NME7: variants seen among roughly 807,000 people sequenced by gnomAD.
NME7 encodes the protein NME/NM23 family member 7, also known as nucleoside diphosphate kinase 7.
In NME7, 41 loss-of-function variants were observed where a neutral mutation model predicts 49.1. That is an observed-to-expected ratio of 0.83 (90% CI 0.65 to 1.08). The LOEUF (loss-of-function observed/expected upper bound fraction) is 1.08, where lower values mean the gene tolerates loss of function less well. NME7 is among the 50% of genes least tolerant of loss of function. The pLI is 0.00. For missense variants in NME7, 423 were observed against 463.4 expected (o/e 0.91, Z 0.80); for synonymous variants, 139 against 150.6 (o/e 0.92, Z 0.56).
chr1:169,218,018 G>A (rs373310106), intron 10 of NME7, among the ~76,000 whole-genome samples: 43 of 152,098 alleles, frequency 2.8e-4, no homozygotes, highest in African/African-American at 9.9e-4. Flanking sequence ...GGGATATAGA[G>A]GATTTATGCC....
rs775741655 is a variant in NME7 at position 169,237,657 on chromosome 1, C to T, written c.785G>A (p.Arg262Gln). Residue 262 changes from arginine (R) to glutamine (Q), a missense_variant, in exon 8 of 12, where the codon CGA becomes CAA. Transcript: ENST00000367811. Reference protein sequence around the residue: ...GLLGKILMAIRDAGFEISAMQ... With the variant: ...GLLGKILMAIQDAGFEISAMQ... The stretch of plus-strand genomic sequence containing the variant: ...AGCTGAGATTTCAAAACCTGCATCT[C>T]GGATAGCCATCAGGATCTTTCCCAA... The T allele has an allele frequency of 3.0e-5, 49 of 1,610,462 alleles. No homozygotes were observed. Among genetic ancestry groups the T allele is most frequent in the African/African-American group, 5.4e-5 (4 of 74,642 alleles).
chr1:169,367,777 T>C lies in NME7; in HGVS notation c.-67A>G. The C allele has an allele frequency of 1.2e-6, 2 of 1,600,516 alleles. No homozygotes were observed. Among genetic ancestry groups the C allele is most frequent in the Non-Finnish European group, 1.7e-6 (2 of 1,168,344 alleles). Reference sequence around the variant, plus strand: ...CAGGAAGACACCACCACCACCACCATCATACGGTTACTCAGGCAACAAAGC... The same window carrying C: ...CAGGAAGACACCACCACCACCACCACCATACGGTTACTCAGGCAACAAAGC... On this transcript the variant is annotated 5_prime_UTR_variant, in exon 1 of 12. The change abolishes an upstream ATG in the 5' untranslated region. Coordinates refer to ENST00000367811, the MANE Select transcript of NME7 (RefSeq NM_013330.5).
intron 7 of NME7, among the ~76,000 whole-genome samples, chr1:169,250,644 T>C (rs1270433464): frequency 6.6e-6 from 1 of 152,158 alleles, no homozygotes; most frequent in Non-Finnish European, 1.5e-5. Flanking sequence ...CTGCTTTTAC[T>C]ATATTCCAGA....
At position 169,319,968 on chromosome 1, in the gene NME7, A is replaced by T. The variant is rs76387029; in HGVS notation, c.278+3149T>A. On this transcript the variant is annotated intron_variant, in intron 3 of 11. Transcript: ENST00000367811. Reference sequence around the variant, plus strand: ...GATTTTTATAAACTTCTTACTAAAGATATAAGCTATCAAAGTAAACATTTA... The same window carrying T: ...GATTTTTATAAACTTCTTACTAAAGTTATAAGCTATCAAAGTAAACATTTA... Among the ~76,000 whole-genome samples, 659 of 152,344 alleles carry T rather than the reference A, an allele frequency of 4.3e-3. 5 individuals are homozygous for T. Among genetic ancestry groups the T allele is most frequent in the African/African-American group, 0.015 (619 of 41,576 alleles).
chr1:169,241,174 T>C (rs1044283834), intron 7 of NME7, among the ~76,000 whole-genome samples: 7 of 152,120 alleles, frequency 4.6e-5, no homozygotes, highest in African/African-American at 1.4e-4. Context: ...AAAAGACCTA[T>C]ATTTGAGGAT....
At chr1:169,249,379 TG>T (rs1648462131) in intron 7 of NME7, among the ~76,000 whole-genome samples, 1 of 152,146 alleles carries the variant, frequency 6.6e-6, no homozygotes, top group Admixed American at 6.6e-5. Flanking sequence ...AGGAGTCTTT[TG>T]GAGGAGTATT....
chr1:169,197,311 A>G (rs1299863532), intron 10 of NME7, among the ~76,000 whole-genome samples: 1 of 152,158 alleles, frequency 6.6e-6, no homozygotes, highest in Non-Finnish European at 1.5e-5. Context: ...TTCTATTCAT[A>G]TTCATATTTA....
chr1:169,319,847 A>G (rs1651787922), intron 3 of NME7, among the ~76,000 whole-genome samples: 1 of 152,210 alleles, frequency 6.6e-6, no homozygotes. Flanking sequence ...TTTCTGGCTG[A>G]GACTCAAAAG....
chr1:169,275,411 G>A lies in NME7; in HGVS notation c.754+11892C>T, dbSNP rs754285239. 1.2e-3 allele frequency among the ~76,000 whole-genome samples: 147 copies of A among 120,882 alleles called. 31 individuals carry two copies. The highest frequency in any genetic ancestry group is 1.8e-3 in the Non-Finnish European group (95 of 51,944). The allele number at this position is 120,882 out of a possible 152,430, so 79.3% of individuals were successfully genotyped here. ...GGAGAATGGCGTGAACCCGGGAGGC[G>A]GAGCTTGCAGTGAGTCGAGATCGCG... On this transcript the variant is annotated intron_variant, in intron 7 of 11. Coordinates refer to ENST00000367811, the MANE Select transcript of NME7 (RefSeq NM_013330.5).
intron 7 of NME7, among the ~76,000 whole-genome samples, chr1:169,251,572 T>TTTTTTA (rs1553250311): frequency 1.5e-5 from 2 of 132,218 alleles, no homozygotes; most frequent in Non-Finnish European, 1.6e-5. Context: ...TTTTTTTTTT[T>TTTTTTA]ATTATACTTT....
chr1:169,344,139 C>A (rs1652873938), intron 1 of NME7, among the ~76,000 whole-genome samples: 1 of 152,058 alleles, frequency 6.6e-6, no homozygotes. Context: ...CCTGAGTATT[C>A]TTTTGGTGTC....
intron 7 of NME7, among the ~76,000 whole-genome samples, chr1:169,278,859 T>G (rs1649867698): frequency 6.6e-6 from 1 of 152,164 alleles, no homozygotes; most frequent in African/African-American, 2.4e-5. Context: ...CAGATGGGTT[T>G]TTGGTGTGGA....
intron 11 of NME7, among the ~76,000 whole-genome samples, chr1:169,134,652 A>G (rs964862126): frequency 2.0e-5 from 3 of 152,190 alleles, no homozygotes; most frequent in Admixed American, 6.5e-5. Context: ...AAGCTTTGCC[A>G]TAAGATGTTA....
intron 7 of NME7, among the ~76,000 whole-genome samples, chr1:169,266,683 T>C (rs1401675107): frequency 7.5e-6 from 1 of 133,360 alleles, no homozygotes; most frequent in Admixed American, 7.4e-5. Context: ...GATGACATGA[T>C]TCTATATCTA....
intron 4 of NME7, among the ~76,000 whole-genome samples, chr1:169,307,471 T>A (rs970632582): frequency 1.1e-4 from 16 of 152,212 alleles, no homozygotes; most frequent in African/African-American, 3.9e-4. Context: ...CTCCAAAGAA[T>A]GAAGTATTTC....
chr1:169,253,719 TA>T (rs1200890966), intron 7 of NME7, among the ~76,000 whole-genome samples: 1 of 152,186 alleles, frequency 6.6e-6, no homozygotes, highest in African/African-American at 2.4e-5. Context: ...TAGCTCTTAT[TA>T]TTTTGAAATA....
rs1458393235 is a variant in NME7 at position 169,253,982 on chromosome 1, T to A, written c.755-16295A>T. ...CCTTTTGCCAGTATTTTATTGAGGA[T>A]TTTTGCATCAATGTTCATCAACGAT... On this transcript the variant is annotated intron_variant, in intron 7 of 11. Coordinates refer to ENST00000367811, the MANE Select transcript of NME7 (RefSeq NM_013330.5). Among the ~76,000 whole-genome samples, 4 of 151,528 alleles carry A rather than the reference T, an allele frequency of 2.6e-5. No individual in the cohort carries two copies. In the East Asian group the frequency reaches 7.8e-4, roughly 30 times the overall value.
At chr1:169,311,416 C>CAAAAA (rs34576386) in intron 3 of NME7, among the ~76,000 whole-genome samples, 78 of 83,456 alleles carry the variant, frequency 9.3e-4, no homozygotes, top group African/African-American at 1.3e-3. Context: ...GACTCCATCT[C>CAAAAA]AAAAAAAAAA....
intron 11 of NME7, among the ~76,000 whole-genome samples, chr1:169,156,161 A>AAAAAAAAAAAAAG (rs1659063242): frequency 6.6e-6 from 1 of 151,726 alleles, no homozygotes; most frequent in Non-Finnish European, 1.5e-5. Flanking sequence ...CTACAAAAAA[A>AAAAAAAAAAAAAG]AATTAGTGGG....
Sources: allele counts gnomAD v4.1 joint callset (sites outside exome capture counted in the v4.1 genomes callset), GRCh38; gene constraint gnomAD v4.1.1; transcripts MANE v1.5; gene names NCBI Gene and HGNC (gene_info 2026-07-23, HGNC 2026-07-21).